Variants in CACNA1D observed in about 807,000 individuals in gnomAD.
The protein encoded by CACNA1D is calcium voltage-gated channel subunit alpha1 D, also known as voltage-dependent L-type calcium channel subunit alpha-1D.
CACNA1D carries 55 observed loss-of-function variants against 257.1 expected under a neutral mutation model. The observed-to-expected ratio is 0.21, with a 90% CI of 0.17 to 0.27. CACNA1D has a LOEUF of 0.27. Ranked by LOEUF, CACNA1D falls within the 10% of genes least tolerant of loss-of-function variation. The pLI is 1.00. For synonymous variants in CACNA1D, 980 were observed against 1,014.9 expected (o/e 0.97, Z 0.65); for missense variants, 1,876 against 2,784.0 (o/e 0.67, Z 7.34).
At chr3:53,667,073 T>C (rs2094272633) in intron 7 of CACNA1D, among the ~76,000 whole-genome samples, 1 of 152,178 alleles carries the variant, frequency 6.6e-6, no homozygotes, top group South Asian at 2.1e-4. Context: ...TTCTTTAGTA[T>C]TACTATAAAT....
rs755504803 is a variant in CACNA1D, at chr3:53,723,412, G to A, written c.1667-22G>A. 112 of 1,582,986 alleles carry A rather than the reference G, an allele frequency of 7.1e-5. No homozygotes were observed. Among genetic ancestry groups the A allele is most frequent in the Non-Finnish European group, 9.1e-5 (105 of 1,151,632 alleles). Reference sequence around the variant, plus strand: ...GTGTCTTGCAGGAGACCCTGAGGATGGGTGCCCCTTTGTCTTTCCAGATAT... The same window carrying A: ...GTGTCTTGCAGGAGACCCTGAGGATAGGTGCCCCTTTGTCTTTCCAGATAT... On this transcript the variant is annotated intron_variant, in intron 12 of 47. Transcript: ENST00000350061. The surrounding 1 kb of genome is among the most constrained non-coding windows in gnomAD (Gnocchi z 5.6).
chr3:53,616,239 G>A (rs1172604126), intron 3 of CACNA1D, among the ~76,000 whole-genome samples: 1 of 152,134 alleles, frequency 6.6e-6, no homozygotes, highest in Non-Finnish European at 1.5e-5. Context: ...ATCAGCGTTC[G>A]ACTTTGAACC....
At chr3:53,705,618 G>A (rs1559544085) in intron 9 of CACNA1D, among the ~76,000 whole-genome samples, 1 of 152,198 alleles carries the variant, frequency 6.6e-6, no homozygotes, top group Non-Finnish European at 1.5e-5. Flanking sequence ...CCTGTGGAGT[G>A]AGGCTCACAG....
intron 4 of CACNA1D, among the ~76,000 whole-genome samples, chr3:53,654,922 C>G (rs955901660): frequency 2.0e-5 from 3 of 151,962 alleles, no homozygotes; most frequent in Admixed American, 6.5e-5. Flanking sequence ...AAGGACAGGA[C>G]AAATAGAAAA....
At chr3:53,805,751 CCCT>C (rs202120858) in intron 45 of CACNA1D, among the ~76,000 whole-genome samples, 2,072 of 145,376 alleles carry the variant, frequency 0.014, 29 homozygotes, top group Non-Finnish European at 0.02. Flanking sequence ...CCCTCATCTT[CCCT>C]CCTCCTCCCT....
chr3:53,606,605 T>C (rs2093514257), intron 3 of CACNA1D, among the ~76,000 whole-genome samples: 1 of 152,210 alleles, frequency 6.6e-6, no homozygotes, highest in African/African-American at 2.4e-5. Flanking sequence ...TATCAGTAAA[T>C]GTGATATGTG....
chr3:53,697,909 C>T (rs1056900525), intron 8 of CACNA1D, among the ~76,000 whole-genome samples: 1 of 152,086 alleles, frequency 6.6e-6, no homozygotes, highest in Admixed American at 6.5e-5. Flanking sequence ...CCTACCCTTG[C>T]CCTGGAATCA....
chr3:53,731,121 A>G lies in CACNA1D; in HGVS notation c.2381A>G (p.Asn794Ser). Residue 794 changes from asparagine to serine, a missense_variant, in exon 17 of 48, where the codon AAC (asparagine) becomes AGC (serine). This residue lies in a region of CACNA1D where 78 missense variants were observed against 69.2 expected (regional missense o/e 1.13). Coordinates refer to ENST00000350061, the MANE Select transcript of CACNA1D (RefSeq NM_001128840.3). Reference sequence around the variant, plus strand: ...AAAAAGAACAACAAACCAGAAGTCAACCAGATAGCCAACAGTGACAACAAG... The same window carrying G: ...AAAAAGAACAACAAACCAGAAGTCAGCCAGATAGCCAACAGTGACAACAAG... ...ENKKNNKPEV[N>S]QIANSDNKVT... 1.9e-6 allele frequency: 3 copies of G among 1,611,872 alleles called. No individual in the cohort carries two copies. The highest frequency in any genetic ancestry group is 1.7e-6 in the Non-Finnish European group (2 of 1,177,914).
chr3:53,712,757 G>T (rs35414202), intron 9 of CACNA1D, among the ~76,000 whole-genome samples: 29,481 of 152,128 alleles, frequency 0.19, 3,099 homozygotes, highest in Non-Finnish European at 0.22. Flanking sequence ...CTGCTTGGAG[G>T]TGGAAGGAAA....
intron 3 of CACNA1D, among the ~76,000 whole-genome samples, chr3:53,514,227 C>T (rs2091240579): frequency 6.6e-6 from 1 of 152,072 alleles, no homozygotes; most frequent in Non-Finnish European, 1.5e-5. Flanking sequence ...CACACCCGGA[C>T]TTCTGACTCA....
At chr3:53,619,666 G>T (rs1194251973) in intron 3 of CACNA1D, among the ~76,000 whole-genome samples, 1 of 152,202 alleles carries the variant, frequency 6.6e-6, no homozygotes, top group African/African-American at 2.4e-5. Context: ...GGGACCCTGG[G>T]TAGGAGGGCC....
intron 26 of CACNA1D, among the ~76,000 whole-genome samples, chr3:53,747,709 C>T (rs960282852): frequency 2.0e-5 from 3 of 152,218 alleles, no homozygotes; most frequent in East Asian, 3.8e-4. Flanking sequence ...GCCTCAGTCC[C>T]ATGAACTCCC....
chr3:53,713,543 T>TGTGAGAGA (rs377132134), intron 9 of CACNA1D, among the ~76,000 whole-genome samples: 32 of 121,008 alleles, frequency 2.6e-4, no homozygotes, highest in South Asian at 2.4e-3. Flanking sequence ...TGTGTGTGTG[T>TGTGAGAGA]GAGAGATTTG....
chr3:53,612,151 G>C (rs916053077), intron 3 of CACNA1D, among the ~76,000 whole-genome samples: 2 of 152,076 alleles, frequency 1.3e-5, no homozygotes, highest in Admixed American at 1.3e-4. Context: ...GAAAATCCTT[G>C]ATTGCTAATT....
Position 53,774,280 on chromosome 3 carries a change from C to G in CACNA1D, c.4111-307C>G, listed in dbSNP as rs879002121. 1 of 377,836 alleles carries G rather than the reference C, an allele frequency of 2.6e-6. No homozygotes were observed. The highest frequency in any genetic ancestry group is 2.5e-5 in the South Asian group (1 of 39,304). The allele number at this position is 377,836 out of a possible 1,614,324, so 23.4% of individuals were successfully genotyped here. On this transcript the variant is annotated intron_variant, in intron 33 of 47. Coordinates refer to ENST00000350061, the MANE Select transcript of CACNA1D (RefSeq NM_001128840.3). The surrounding 1 kb of genome is among the most constrained non-coding windows in gnomAD (Gnocchi z 4.3). ...GTAGATGAGCCTGTCTCACGCTTCC[C>G]TGTGTGTCTGGACCACCCCAGCATC...
intron 3 of CACNA1D, among the ~76,000 whole-genome samples, chr3:53,603,676 A>G (rs2093472932): frequency 6.6e-6 from 1 of 152,226 alleles, no homozygotes; most frequent in African/African-American, 2.4e-5. Flanking sequence ...TGTGGCAGCA[A>G]TAAAACTGGC....
At position 53,753,791 on chromosome 3, in the gene CACNA1D, T is replaced by C. The variant is rs148262035; in HGVS notation, c.3786+109T>C. The stretch of plus-strand genomic sequence containing the variant: ...AATTATGCTAAAGTGTTCTGGCCGC[T>C]AACTGGGTTACCACCTGAGAACATT... On this transcript the variant is annotated intron_variant, in intron 29 of 47. Coordinates refer to ENST00000350061, the MANE Select transcript of CACNA1D (RefSeq NM_001128840.3). 6,323 of 741,168 alleles carry C rather than the reference T, an allele frequency of 8.5e-3. 482 individuals carry two copies. The Admixed American group carries it at 0.12, about 14-fold the overall frequency. 45.9% of individuals were successfully genotyped at this position (741,168 alleles called of 1,614,324 possible). A position where few individuals can be genotyped will look rare whatever the true frequency, so the allele number is the denominator to read the frequency against.
chr3:53,640,337 A>T (rs897471806), intron 3 of CACNA1D, among the ~76,000 whole-genome samples: 30 of 152,224 alleles, frequency 2.0e-4, no homozygotes, highest in African/African-American at 7.0e-4. Flanking sequence ...CATGGTTTAG[A>T]AATAAAGCAT....
At chr3:53,687,510 T>G (rs1284406856) in intron 8 of CACNA1D, among the ~76,000 whole-genome samples, 1 of 126,320 alleles carries the variant, frequency 7.9e-6, no homozygotes, top group African/African-American at 3.5e-5. Context: ...AAGGATACTC[T>G]TTTTAGTTAA....
Sources: gnomAD v4.1 joint callset for allele counts (sites outside exome capture counted in the v4.1 genomes callset) on GRCh38, gnomAD v4.1.1 for gene constraint, gnomAD v4.1.1 regional missense constraint, Gnocchi (gnomAD v3.1) non-coding constraint, MANE v1.5 for transcripts, NCBI Gene and HGNC (gene_info 2026-07-23, HGNC 2026-07-21) for gene names.